Variants in PNO1 observed in about 807,000 individuals in gnomAD.
The protein encoded by PNO1 is partner of NOB1 homolog.
PNO1 carries 16 observed loss-of-function variants against 28.4 expected under a neutral mutation model. That is an observed-to-expected ratio of 0.56 (90% CI 0.38 to 0.85). The LOEUF (loss-of-function observed/expected upper bound fraction) is 0.85. Among genes scored for constraint, PNO1 ranks in the 40% least tolerant of loss-of-function variants. The pLI, the probability that PNO1 is intolerant of heterozygous loss-of-function variation, is 0.00. For missense variants in PNO1, 304 were observed against 312.2 expected, an observed-to-expected ratio of 0.97 and a Z score of 0.20; for synonymous variants, 115 against 110.8, an observed-to-expected ratio of 1.04 and a Z score of -0.24.
chr2:68,166,459 G>A (rs1484586788), intron 5 of PNO1, among the ~76,000 whole-genome samples: 3 of 152,160 alleles, frequency 2.0e-5, no homozygotes, highest in African/African-American at 4.8e-5. Context: ...GTGGAAGTGG[G>A]TTATCATAAA....
chr2:68,162,872 T>C, intron 5 of PNO1, among the ~76,000 whole-genome samples: 1 of 152,242 alleles, frequency 6.6e-6, no homozygotes, highest in East Asian at 1.9e-4. Context: ...TAGCTTAGCA[T>C]AGCCTATCAT....
At chr2:68,165,680 C>T (rs1050727278) in intron 5 of PNO1, among the ~76,000 whole-genome samples, 43 of 137,234 alleles carry the variant, frequency 3.1e-4, no homozygotes, top group African/African-American at 1.1e-3. Flanking sequence ...GACTCTGTCT[C>T]AAAAAAAAAA....
At chr2:68,170,709 C>T (rs1674110338) in intron 5 of PNO1, among the ~76,000 whole-genome samples, 1 of 133,054 alleles carries the variant, frequency 7.5e-6, no homozygotes, top group Non-Finnish European at 1.5e-5. Context: ...GATTGCGCCA[C>T]TGCACTCCAG....
chr2:68,173,134 C>A, intron 5 of PNO1: 2 of 219,336 alleles, frequency 9.1e-6, no homozygotes, highest in Admixed American at 7.0e-5. Flanking sequence ...GTCTGTCACT[C>A]AGGTTGGCAT....
At position 68,174,738 on chromosome 2, in the gene PNO1, A is replaced by G; in HGVS notation, c.695A>G (p.Asn232Ser). 6.2e-7 allele frequency: 1 copy of G among 1,604,316 alleles called. No individual in the cohort carries two copies. The highest frequency in any genetic ancestry group is 8.5e-7 in the Non-Finnish European group (1 of 1,171,882). The change falls in exon 7 of 7, where the codon AAT (asparagine) becomes AGT (serine). Residue 232 changes from asparagine to serine, a missense_variant. Physicochemically the swap from Asn to Ser is conservative, Grantham distance 46 (BLOSUM62 1). Coordinates refer to ENST00000263657, the MANE Select transcript of PNO1 (RefSeq NM_020143.4). The part of the protein sequence containing the change: ...RTAICNLILG[N>S]PPSKVYGNIR... ...TACTTTTTTTTCCCCTTTGCAGGAAATCCTCCTTCCAAGGTTTATGGCAAT... is the reference window on the plus strand; with the variant it reads ...TACTTTTTTTTCCCCTTTGCAGGAAGTCCTCCTTCCAAGGTTTATGGCAAT...
chr2:68,162,071 A>G (rs1673845262), intron 3 of PNO1, among the ~76,000 whole-genome samples, 194 bp from the exon 4 acceptor site: 1 of 152,052 alleles, frequency 6.6e-6, no homozygotes, highest in Non-Finnish European at 1.5e-5. Flanking sequence ...CCAGGGAAGC[A>G]GAGATTGCAG....
At chr2:68,173,823 CGTCCACCTCAGCCTCCCAAAGTGCTGGG>C (rs1674197691) in intron 6 of PNO1, among the ~76,000 whole-genome samples, 2 of 151,890 alleles carry the variant, frequency 1.3e-5, no homozygotes, top group African/African-American at 4.8e-5. Flanking sequence ...CCTTGTGATC[CGTCCACCTCAGCCTCCCAAAGTGCTGGG>C]ATTACAGGCG....
chr2:68,161,403 A>C (rs1472802311), intron 2 of PNO1: 1 of 457,676 alleles, frequency 2.2e-6, no homozygotes, highest in African/African-American at 2.0e-5. Flanking sequence ...GTTGTGCCAG[A>C]GGAGTCTTGC....
Position 68,159,672 on chromosome 2 carries a change from C to T in PNO1, c.357+1143C>T, listed in dbSNP as rs115137514. On this transcript the variant is annotated intron_variant, in intron 2 of 6. Coordinates refer to ENST00000263657, the MANE Select transcript of PNO1 (RefSeq NM_020143.4). ...ACCATCATCCGGACTGGTATAGTCTCATCTCTGTTAATGGAATATAATAAT... is the reference window on the plus strand; with the variant it reads ...ACCATCATCCGGACTGGTATAGTCTTATCTCTGTTAATGGAATATAATAAT... Among the ~76,000 whole-genome samples, 204 of 152,218 alleles carry T rather than the reference C, an allele frequency of 1.3e-3. 3 individuals carry two copies. The highest frequency in any genetic ancestry group is 4.5e-3 in the African/African-American group (186 of 41,518).
chr2:68,170,127 T>A (rs749335634), intron 5 of PNO1, among the ~76,000 whole-genome samples: 1 of 152,204 alleles, frequency 6.6e-6, no homozygotes, highest in African/African-American at 2.4e-5. Flanking sequence ...TTATATTAAT[T>A]ATAATAAAGC....
rs1203572346 is a variant in PNO1, at chr2:68,176,227, C to G, written c.*1425C>G. ...AAGGAACTTACTTTATTAAACTTAA[C>G]TTTGATACTTCTCTTATGCATCTCT... is the stretch of plus-strand genomic sequence containing the variant. On this transcript the variant is annotated 3_prime_UTR_variant, in exon 7 of 7. Coordinates refer to ENST00000263657, the MANE Select transcript of PNO1 (RefSeq NM_020143.4). 6.6e-6 allele frequency: 1 copy of G among 152,148 alleles called. No homozygotes were observed. The highest frequency in any genetic ancestry group is 2.1e-4 in the South Asian group (1 of 4,832). 9.4% of individuals were successfully genotyped at this position (152,148 alleles called of 1,614,324 possible).
intron 2 of PNO1, among the ~76,000 whole-genome samples, chr2:68,159,599 G>A (rs1463742680): frequency 6.6e-6 from 1 of 152,054 alleles, no homozygotes; most frequent in African/African-American, 2.4e-5. Flanking sequence ...TTTCATACCA[G>A]AATCGATAAC....
chr2:68,173,416 G>T lies in PNO1; in HGVS notation c.690G>T (p.Leu230Phe). 1.3e-6 allele frequency: 2 copies of T among 1,577,502 alleles called. No homozygotes were observed. Among genetic ancestry groups the T allele is most frequent in the Non-Finnish European group, 1.7e-6 (2 of 1,146,890 alleles). ...GAACTGCCATTTGCAACCTAATCTT[G>T]GGTAATAGCAGTTTCTTTCTTTGGT... is the stretch of plus-strand genomic sequence containing the variant. ...MARTAICNLI[L>F]GNPPSKVYGN... Residue 230 changes from leucine to phenylalanine, a missense_variant and splice_region_variant, in exon 6 of 7, where the codon TTG (leucine) becomes TTT (phenylalanine). Coordinates refer to ENST00000263657, the MANE Select transcript of PNO1 (RefSeq NM_020143.4).
intron 5 of PNO1, among the ~76,000 whole-genome samples, chr2:68,165,011 AT>A (rs1333557054): frequency 2.2e-5 from 3 of 134,700 alleles, no homozygotes; most frequent in Non-Finnish European, 4.7e-5. Flanking sequence ...TCAAAAAAAA[AT>A]CTTCGGTTAA....
intron 5 of PNO1, among the ~76,000 whole-genome samples, chr2:68,163,246 C>A (rs1353151159): frequency 6.6e-6 from 1 of 152,086 alleles, no homozygotes; most frequent in Non-Finnish European, 1.5e-5. Flanking sequence ...TAAATAATAT[C>A]TCGGGTTGGG....
intron 5 of PNO1, among the ~76,000 whole-genome samples, chr2:68,166,530 G>A (rs1373509620): frequency 1.3e-5 from 2 of 152,138 alleles, no homozygotes; most frequent in Non-Finnish European, 2.9e-5. Flanking sequence ...GCTGTCTCAT[G>A]GGTGGCAGAG....
intron 5 of PNO1, among the ~76,000 whole-genome samples, chr2:68,168,420 T>A (rs1674046300): frequency 6.6e-6 from 1 of 152,222 alleles, no homozygotes; most frequent in South Asian, 2.1e-4. Flanking sequence ...GATCAGTCTC[T>A]TGTCCAATCA....
At chr2:68,163,514 G>T (rs1052759854) in intron 5 of PNO1, among the ~76,000 whole-genome samples, 1 of 151,984 alleles carries the variant, frequency 6.6e-6, no homozygotes, top group Non-Finnish European at 1.5e-5. Context: ...CTGGGCGACA[G>T]AGTGAGACTC....
Position 68,158,618 on chromosome 2 carries a change from T to C in PNO1, c.357+89T>C, listed in dbSNP as rs1278200729. On this transcript the variant is annotated intron_variant, in intron 2 of 6. Transcript: ENST00000263657. Reference sequence around the variant, plus strand: ...ATGAATAGGCTTTACTTAATGGGACTTTTCTGTTGTATGGTTTTTGTCCAG... The same window carrying C: ...ATGAATAGGCTTTACTTAATGGGACCTTTCTGTTGTATGGTTTTTGTCCAG... 3.4e-6 allele frequency: 4 copies of C among 1,162,960 alleles called. No individual in the cohort carries two copies. The African/African-American group carries it at 6.3e-5, about 18-fold the overall frequency. The allele number at this position is 1,162,960 out of a possible 1,614,324, so 72.0% of individuals were successfully genotyped here. A position where few individuals can be genotyped will look rare whatever the true frequency, so the allele number is the denominator to read the frequency against.
Sources: allele counts gnomAD v4.1 joint callset (sites outside exome capture counted in the v4.1 genomes callset), GRCh38; gene constraint gnomAD v4.1.1; transcripts MANE v1.5; gene names NCBI Gene and HGNC (gene_info 2026-07-23, HGNC 2026-07-21).